Variants in CFAP61 observed in about 807,000 individuals in gnomAD.
The protein encoded by CFAP61 is cilia- and flagella-associated protein 61.
In CFAP61, 107 loss-of-function variants were observed where a neutral mutation model predicts 135.6. The observed-to-expected ratio is 0.79, with a 90% CI of 0.67 to 0.93. CFAP61 has a LOEUF of 0.93. Ranked by LOEUF, CFAP61 falls within the 40% of genes least tolerant of loss-of-function variation. The pLI, the probability that CFAP61 is intolerant of heterozygous loss-of-function variation, is 0.00. For missense variants in CFAP61, 1,507 were observed against 1,556.2 expected, an observed-to-expected ratio of 0.97 and a Z score of 0.53; for synonymous variants, 575 against 578.5, an observed-to-expected ratio of 0.99 and a Z score of 0.09.
intron 17 of CFAP61, among the ~76,000 whole-genome samples, chr20:20,201,871 G>A (rs544181732): frequency 2.6e-5 from 4 of 152,272 alleles, no homozygotes; most frequent in East Asian, 3.9e-4. Context: ...CTCTGGCAGC[G>A]TGGGTGGCCT....
chr20:20,072,325 C>T (rs965789353), intron 3 of CFAP61, among the ~76,000 whole-genome samples: 1 of 151,802 alleles, frequency 6.6e-6, no homozygotes, highest in Non-Finnish European at 1.5e-5. Flanking sequence ...CTATGTTAGC[C>T]AGGATGGTCT....
chr20:20,219,201 G>C (rs6081925), intron 17 of CFAP61, among the ~76,000 whole-genome samples: 16,917 of 152,220 alleles, frequency 0.11, 1,273 homozygotes, highest in Middle Eastern at 0.21. Flanking sequence ...TAGCTCATCA[G>C]AGCTCCTTTC....
At chr20:20,089,664 A>T (rs962343760) in intron 6 of CFAP61, among the ~76,000 whole-genome samples, 2 of 152,012 alleles carry the variant, frequency 1.3e-5, no homozygotes, top group African/African-American at 4.8e-5. Context: ...AGAATGTGCT[A>T]AAAAGAAGAA....
intron 16 of CFAP61, among the ~76,000 whole-genome samples, chr20:20,199,567 C>T (rs369913344): frequency 7.9e-5 from 12 of 152,050 alleles, no homozygotes; most frequent in Non-Finnish European, 1.6e-4. Context: ...TAATTACTCT[C>T]GTAATTATCT....
chr20:20,280,231 G>A (rs1031837887), intron 22 of CFAP61, among the ~76,000 whole-genome samples: 5 of 152,144 alleles, frequency 3.3e-5, no homozygotes, highest in East Asian at 1.9e-4. Context: ...AAAACCTCAC[G>A]ACAGTGGAGG....
rs1569336662 is a variant in CFAP61 at position 20,358,181 on chromosome 20, A to ACACTGAGGGGAG, written c.3514-2029_3514-2028insCACTGAGGGGAG. On this transcript the variant is annotated intron_variant, in intron 26 of 26. Transcript: ENST00000245957. ...AGGGGAGGTGGTCACACTGAGGGGA[A>ACACTGAGGGGAG]GTGGTCACACTGAGGGGAATGGTCA... 1.2e-3 allele frequency among the ~76,000 whole-genome samples: 137 copies of ACACTGAGGGGAG among 115,106 alleles called. 8 individuals are homozygous for ACACTGAGGGGAG. The highest frequency in any genetic ancestry group is 4.6e-3 in the African/African-American group (128 of 27,602). 75.5% of individuals were successfully genotyped at this position (115,106 alleles called of 152,430 possible). A position where few individuals can be genotyped will look rare whatever the true frequency, so the allele number is the denominator to read the frequency against.
At chr20:20,358,007 T>TCC in intron 26 of CFAP61, among the ~76,000 whole-genome samples, 1 of 125,398 alleles carries the variant, frequency 8.0e-6, no homozygotes, top group African/African-American at 3.2e-5. Context: ...GGGGAGGTGG[T>TCC]CACAGTGTGA....
At chr20:20,276,437 C>T (rs1158100528) in intron 21 of CFAP61, among the ~76,000 whole-genome samples, 1 of 152,108 alleles carries the variant, frequency 6.6e-6, no homozygotes, top group Non-Finnish European at 1.5e-5. Flanking sequence ...CTTAAAACTG[C>T]TAAAATAGTA....
chr20:20,357,191 C>G (rs1364093437), intron 26 of CFAP61, among the ~76,000 whole-genome samples: 11 of 83,476 alleles, frequency 1.3e-4, no homozygotes, highest in East Asian at 4.4e-4. Flanking sequence ...GGTGGTCATA[C>G]TGTGAGTGAG....
intron 26 of CFAP61, among the ~76,000 whole-genome samples, chr20:20,352,191 A>G (rs761073972): frequency 6.6e-6 from 1 of 152,162 alleles, no homozygotes; most frequent in African/African-American, 2.4e-5. Context: ...TGGCAGGAGC[A>G]TGAGAAGAGC....
intron 18 of CFAP61, among the ~76,000 whole-genome samples, chr20:20,244,784 C>T (rs767165219): frequency 6.6e-6 from 1 of 152,210 alleles, no homozygotes; most frequent in Non-Finnish European, 1.5e-5. Context: ...TGCAAATTTT[C>T]CAAACTTTTA....
At chr20:20,302,919 C>A (rs1202631669) in intron 25 of CFAP61, among the ~76,000 whole-genome samples, 1 of 152,084 alleles carries the variant, frequency 6.6e-6, no homozygotes, top group Non-Finnish European at 1.5e-5. Flanking sequence ...AGGATGTCTT[C>A]CTAATGCTTT....
intron 18 of CFAP61, among the ~76,000 whole-genome samples, 173 bp from the exon 19 acceptor site, chr20:20,245,944 C>T (rs1289750868): frequency 6.6e-6 from 1 of 152,192 alleles, no homozygotes; most frequent in Non-Finnish European, 1.5e-5. Flanking sequence ...GCGCCATCTT[C>T]CTTTTTTCCT....
intron 25 of CFAP61, among the ~76,000 whole-genome samples, chr20:20,306,154 A>G (rs577532227): frequency 1.3e-5 from 2 of 152,296 alleles, no homozygotes; most frequent in African/African-American, 4.8e-5. Flanking sequence ...AGGTGAGACC[A>G]TGTTTGAACT....
chr20:20,157,370 G>A (rs1245034897), intron 9 of CFAP61, among the ~76,000 whole-genome samples: 2 of 152,136 alleles, frequency 1.3e-5, no homozygotes, highest in Non-Finnish European at 2.9e-5. Flanking sequence ...ATTATGCCTG[G>A]CCTAATTATT....
intron 10 of CFAP61, among the ~76,000 whole-genome samples, chr20:20,163,378 C>T (rs1019922613): frequency 6.6e-6 from 1 of 152,076 alleles, no homozygotes; most frequent in South Asian, 2.1e-4. Context: ...CCCAGGACCA[C>T]CTGAGCAGTC....
Position 20,298,242 on chromosome 20 carries a change from A to G in CFAP61, c.3278A>G (p.Lys1093Arg), listed in dbSNP as rs1206658047. The G allele has an allele frequency of 6.2e-7, 1 of 1,614,020 alleles. No homozygotes were observed. Among genetic ancestry groups the G allele is most frequent in the Non-Finnish European group, 8.5e-7 (1 of 1,179,996 alleles). ...ACTTACTTCCGAATTCATATTAACA[A>G]GTATAAAATGGTGGAAACCATCACG... Reference protein sequence around the residue: ...NGTYFRIHINKYKMVETITCL... With the variant: ...NGTYFRIHINRYKMVETITCL... Residue 1093 changes from lysine (K) to arginine (R), a missense_variant, in exon 25 of 27, where the codon AAG becomes AGG. Physicochemically the swap from Lys to Arg is conservative, Grantham distance 26. Transcript: ENST00000245957.
chr20:20,090,871 A>G lies in CFAP61; in HGVS notation c.594A>G (p.Pro198=). ...TGGAAGACCATGACGATCTCATGCC[A>G]ATATTTATGCGCTATGACACAATTC... ...ARVEDHDDLM[P]IFMRYDTILK... is the part of the protein sequence containing the mutation. The change falls in exon 7 of 27, where the codon CCA becomes CCG. Residue 198 remains proline, a synonymous_variant. Transcript: ENST00000245957. 5 of 1,614,108 alleles carry G rather than the reference A, an allele frequency of 3.1e-6. No homozygotes were observed. Among genetic ancestry groups the G allele is most frequent in the Non-Finnish European group, 4.2e-6 (5 of 1,180,020 alleles).
At position 20,337,119 on chromosome 20, in the gene CFAP61, G is replaced by A. The variant is rs969550960; in HGVS notation, c.3423-4712G>A. On this transcript the variant is annotated intron_variant, in intron 25 of 26. Coordinates refer to ENST00000245957, the MANE Select transcript of CFAP61 (RefSeq NM_015585.4). ...AAAGTTTACGTGGAAGCATAGGGAA[G>A]GAAGGGATGTTTGTTGAGGGGTGGT... is the stretch of plus-strand genomic sequence containing the variant. Among the ~76,000 whole-genome samples, 3 of 152,242 alleles carry A rather than the reference G, an allele frequency of 2.0e-5. No homozygotes were observed. The East Asian group carries it at 5.8e-4, about 29-fold the overall frequency.
Sources: gnomAD v4.1 joint callset for allele counts (sites outside exome capture counted in the v4.1 genomes callset) on GRCh38, gnomAD v4.1.1 for gene constraint, MANE v1.5 for transcripts, NCBI Gene and HGNC (gene_info 2026-07-23, HGNC 2026-07-21) for gene names.